The following TPRG1 variants were observed in gnomAD, a reference collection of about 807,000 sequenced individuals.
TPRG1 encodes the protein tumor protein p63 regulated 1, also known as tumor protein p63-regulated gene 1 protein.
TPRG1 carries 29 observed loss-of-function variants against 29.3 expected under a neutral mutation model. The observed-to-expected ratio is 0.99, with a 90% confidence interval of 0.74 to 1.35. The LOEUF is 1.35. TPRG1 is among the 40% of genes most tolerant of loss of function. The pLI, the probability that TPRG1 is intolerant of heterozygous loss-of-function variation, is 0.00. For missense variants in TPRG1, 327 were observed against 335.0 expected (o/e 0.98, Z 0.19); for synonymous variants, 130 against 116.8 (o/e 1.11, Z -0.73).
intron 5 of TPRG1, among the ~76,000 whole-genome samples, chr3:189,154,925 G>A (rs1350820083): frequency 6.6e-6 from 1 of 152,172 alleles, no homozygotes; most frequent in Non-Finnish European, 1.5e-5. Context: ...TTTTAAATAG[G>A]GCAGTCAAAG....
intron 5 of TPRG1, among the ~76,000 whole-genome samples, chr3:189,159,791 T>C (rs1727209654): frequency 2.0e-5 from 3 of 151,736 alleles, no homozygotes; most frequent in Middle Eastern, 3.4e-3. Flanking sequence ...CGCACAGTCC[T>C]GGGGTAAAGG....
intron 3 of TPRG1, among the ~76,000 whole-genome samples, chr3:189,217,411 G>A (rs1466587531): frequency 6.6e-6 from 1 of 152,176 alleles, no homozygotes; most frequent in East Asian, 1.9e-4. Context: ...GATGAGTCCT[G>A]CATACACATA....
upstream of TPRG1, among the ~76,000 whole-genome samples, chr3:189,097,309 T>C (rs1718743264): frequency 2.6e-5 from 4 of 152,224 alleles, no homozygotes; most frequent in Admixed American, 2.6e-4. Flanking sequence ...AAGGTATTAT[T>C]GATTGTGCTC....
chr3:189,319,998 T>G (rs1266148924), intron 5 of TPRG1, among the ~76,000 whole-genome samples: 1 of 152,090 alleles, frequency 6.6e-6, no homozygotes, highest in Non-Finnish European at 1.5e-5. Context: ...TCAGAAAGAC[T>G]TGCCCTGAAT....
chr3:189,183,407 G>C (rs960474522), intron 1 of TPRG1, among the ~76,000 whole-genome samples: 1 of 151,970 alleles, frequency 6.6e-6, no homozygotes, highest in African/African-American at 2.4e-5. Context: ...ATGAAGTTTC[G>C]GGCACCATTG....
At chr3:189,100,387 G>A (rs761665985) in intron 1 of TPRG1, among the ~76,000 whole-genome samples, 3 of 152,092 alleles carry the variant, frequency 2.0e-5, no homozygotes, top group African/African-American at 4.8e-5. Flanking sequence ...ATCATTCAAG[G>A]GTCATCTCCA....
At chr3:189,161,994 C>A (rs1319564089) in intron 5 of TPRG1, among the ~76,000 whole-genome samples, 1 of 151,658 alleles carries the variant, frequency 6.6e-6, no homozygotes, top group South Asian at 2.1e-4. Context: ...CGGGACCATT[C>A]TTTTTTTTCT....
chr3:189,103,359 G>A (rs1199003861), intron 1 of TPRG1, among the ~76,000 whole-genome samples: 3 of 152,064 alleles, frequency 2.0e-5, no homozygotes, highest in Non-Finnish European at 4.4e-5. Context: ...CTATTACTGT[G>A]CATCACTATT....
chr3:189,243,543 G>A (rs56076510), intron 4 of TPRG1, among the ~76,000 whole-genome samples: 1,987 of 151,522 alleles, frequency 0.013, 43 homozygotes, highest in African/African-American at 0.046. Context: ...CCTGAAAATT[G>A]GCTTTTTTTT....
intron 5 of TPRG1, among the ~76,000 whole-genome samples, chr3:189,312,760 G>C (rs1722909983): frequency 6.6e-6 from 1 of 152,110 alleles, no homozygotes; most frequent in African/African-American, 2.4e-5. Context: ...AAATATCAAA[G>C]AGGGTATGGA....
chr3:189,250,762 A>AAC (rs1560605917), intron 4 of TPRG1, among the ~76,000 whole-genome samples: 1 of 151,350 alleles, frequency 6.6e-6, no homozygotes, highest in African/African-American at 2.4e-5. Context: ...AAAAAAAAAA[A>AAC]AAAAAGCAAT....
chr3:189,198,243 A>C (rs1026152634), intron 1 of TPRG1, among the ~76,000 whole-genome samples: 3 of 152,176 alleles, frequency 2.0e-5, no homozygotes, highest in Non-Finnish European at 4.4e-5. Flanking sequence ...TCTAGTGTAC[A>C]GTCAGCTCTG....
intron 1 of TPRG1, among the ~76,000 whole-genome samples, chr3:189,187,316 G>GT (rs1474787626): frequency 1.2e-4 from 18 of 145,224 alleles, no homozygotes; most frequent in Admixed American, 8.9e-4. Flanking sequence ...TTTGTTTTTT[G>GT]TTTTTTTTGA....
chr3:189,198,476 T>C (rs188361894), intron 1 of TPRG1, among the ~76,000 whole-genome samples: 5 of 152,218 alleles, frequency 3.3e-5, no homozygotes, highest in African/African-American at 7.2e-5. Context: ...GAGAAGATGC[T>C]TTTGTTCATG....
intron 1 of TPRG1, among the ~76,000 whole-genome samples, chr3:189,173,743 TG>T (rs1729134301): frequency 6.6e-6 from 1 of 151,996 alleles, no homozygotes; most frequent in Admixed American, 6.6e-5. Flanking sequence ...GCCCACAATA[TG>T]TAGTGAATGG....
intron 4 of TPRG1, among the ~76,000 whole-genome samples, chr3:189,024,851 C>T (rs758764929): frequency 1.1e-4 from 16 of 152,188 alleles, no homozygotes; most frequent in Admixed American, 2.0e-4. Context: ...ATCCCTTTCT[C>T]GTTCGGATCT....
upstream of TPRG1, among the ~76,000 whole-genome samples, chr3:189,097,766 A>G (rs1197878059): frequency 6.6e-6 from 1 of 152,240 alleles, no homozygotes; most frequent in Non-Finnish European, 1.5e-5. Flanking sequence ...CCAAATGGCA[A>G]CACAGGAAAA....
intron 3 of TPRG1, among the ~76,000 whole-genome samples, chr3:189,231,538 T>G (rs144550021): frequency 0.012 from 1,821 of 152,286 alleles, 34 homozygotes; most frequent in African/African-American, 0.04. Flanking sequence ...TTTTGTGTGC[T>G]TGGTATTGCA....
At position 189,135,085 on chromosome 3, in the gene TPRG1, G is replaced by A. The variant is rs74775141; in HGVS notation, c.-291+2388G>A. Reference sequence around the variant, plus strand: ...GTGCAGATGTTGAGCTCTTCTTTGCGGTCAGTACTTCTGTCGTCAGATGCA... The same window carrying A: ...GTGCAGATGTTGAGCTCTTCTTTGCAGTCAGTACTTCTGTCGTCAGATGCA... On this transcript the variant is annotated intron_variant, in intron 3 of 6. Transcript: ENST00000412373. 5.1e-3 allele frequency among the ~76,000 whole-genome samples: 781 copies of A among 152,204 alleles called. 8 individuals are homozygous for A. Among genetic ancestry groups the A allele is most frequent in the African/African-American group, 0.018 (756 of 41,524 alleles).
Sources: gnomAD v4.1 joint callset for allele counts (sites outside exome capture counted in the v4.1 genomes callset) on GRCh38, gnomAD v4.1.1 for gene constraint, MANE v1.5 for transcripts, NCBI Gene and HGNC (gene_info 2026-07-23, HGNC 2026-07-21) for gene names.